Variants in NPNT observed in about 807,000 individuals in gnomAD.
The protein encoded by NPNT is nephronectin.
In NPNT, 45 loss-of-function variants were observed where a neutral mutation model predicts 68.6. The ratio of observed to expected loss-of-function variants is 0.66; its 90% CI spans 0.52 to 0.84. NPNT has a LOEUF of 0.84. NPNT is among the 40% of genes least tolerant of loss of function. The probability of loss-of-function intolerance (pLI) is 0.00; values close to 1 mark genes in which losing one functional copy is unlikely to be tolerated. For missense variants in NPNT, 672 were observed against 714.8 expected (o/e 0.94, Z 0.68); for synonymous variants, 233 against 253.3 (o/e 0.92, Z 0.76).
chr4:105,963,179 C>T (rs1021400036), intron 10 of NPNT, among the ~76,000 whole-genome samples: 4 of 152,052 alleles, frequency 2.6e-5, no homozygotes, highest in Non-Finnish European at 4.4e-5. Flanking sequence ...GAGCCGAGAT[C>T]ACGCCACTGT....
At chr4:105,924,314 A>G (rs958901909) in intron 2 of NPNT, among the ~76,000 whole-genome samples, 4 of 152,202 alleles carry the variant, frequency 2.6e-5, no homozygotes, top group African/African-American at 9.6e-5. Context: ...TTTGATACGT[A>G]TTTATTGAAT....
Position 105,940,215 on chromosome 4 carries a change from G to A in NPNT, c.640+6G>A, listed in dbSNP as rs1729826556. 1.5e-5 allele frequency: 24 copies of A among 1,612,756 alleles called. No homozygotes were observed. Among genetic ancestry groups the A allele is most frequent in the Non-Finnish European group, 1.9e-5 (22 of 1,179,210 alleles). On this transcript the variant is annotated splice_donor_region_variant and intron_variant, in intron 6 of 11. Transcript: ENST00000379987. ...AGGCAAATATCAATGTCATGGTAAT[G>A]AAACCCAACCATTGCTTTGTGTTGT...
chr4:105,930,006 G>A (rs1285606557), intron 3 of NPNT, among the ~76,000 whole-genome samples: 1 of 152,058 alleles, frequency 6.6e-6, no homozygotes, highest in East Asian at 1.9e-4. Context: ...TTGATTAGTA[G>A]CAAAATGGGA....
chr4:105,900,981 G>A (rs1726370328), intron 2 of NPNT, among the ~76,000 whole-genome samples: 1 of 151,992 alleles, frequency 6.6e-6, no homozygotes, highest in South Asian at 2.1e-4. Flanking sequence ...ATTGTCAGGT[G>A]AAAATTTTTT....
rs1160950913 is a variant in NPNT, at chr4:105,928,180, A to T, written c.265+752A>T. On this transcript the variant is annotated intron_variant, in intron 3 of 11. Coordinates refer to ENST00000379987, the MANE Select transcript of NPNT (RefSeq NM_001033047.3). ...AGTTAGTAAAAGAGCTAGCATGTCA[A>T]CTTAGAGCTATGGCATATATAATCC... 2.5e-3 allele frequency among the ~76,000 whole-genome samples: 376 copies of T among 152,314 alleles called. 2 individuals carry two copies. Among genetic ancestry groups the T allele is most frequent in the African/African-American group, 8.7e-3 (360 of 41,566 alleles).
Position 105,938,366 on chromosome 4 carries a change from T to C in NPNT, c.451T>C (p.Cys151Arg). 2.5e-6 allele frequency: 4 copies of C among 1,613,506 alleles called. No homozygotes were observed. In the African/African-American group the frequency reaches 4.0e-5, roughly 16 times the overall value. ...GCDVVKGQIRCQCPSPGLQLA... is the reference protein window; with the variant it reads ...GCDVVKGQIRRQCPSPGLQLA... ...TGATGTTGTTAAAGGACAAATACGG[T>C]GCCAGTGCCCATCCCCTGGCCTGCA... The change falls in exon 5 of 12, where the codon TGC (cysteine) becomes CGC (arginine). Residue 151 changes from cysteine (C) to arginine (R), a missense_variant. Cys to Arg is a radical substitution (Grantham distance 180, BLOSUM62 -3). Coordinates refer to ENST00000379987, the MANE Select transcript of NPNT (RefSeq NM_001033047.3).
rs969133254 is a variant in NPNT, at chr4:105,949,639, C to T, written c.1159+6937C>T. On this transcript the variant is annotated intron_variant, in intron 8 of 11. Transcript: ENST00000379987. The stretch of plus-strand genomic sequence containing the variant: ...GGGCAAAGAAACTCAGAAAAACTTT[C>T]TGCAGAACCCAAAGTAAAGGAAGTT... 5.3e-5 allele frequency among the ~76,000 whole-genome samples: 8 copies of T among 152,152 alleles called. No individual in the cohort carries two copies. In the East Asian group the frequency reaches 5.8e-4, roughly 11 times the overall value.
chr4:105,954,969 GC>G (rs1363161662), intron 8 of NPNT, among the ~76,000 whole-genome samples: 2 of 152,176 alleles, frequency 1.3e-5, no homozygotes, highest in African/African-American at 4.8e-5. Flanking sequence ...CAAGCTCTTA[GC>G]CCATGCTTTG....
rs1359395721 is a variant in NPNT, at chr4:105,951,717, G to T, written c.1160-6754G>T. ...TGCTGTGAATTCTGAAAGTTTTCAA[G>T]ATTTTTGATTTATATTTTAATTAGA... On this transcript the variant is annotated intron_variant, in intron 8 of 11. Transcript: ENST00000379987. Among the ~76,000 whole-genome samples the T allele has an allele frequency of 3.3e-5, 5 of 152,264 alleles. 1 individual carries two copies. Among genetic ancestry groups the T allele is most frequent in the Non-Finnish European group, 7.4e-5 (5 of 68,016 alleles).
chr4:105,963,489 C>G (rs758396783), intron 10 of NPNT, among the ~76,000 whole-genome samples: 4 of 152,062 alleles, frequency 2.6e-5, no homozygotes, highest in Non-Finnish European at 2.9e-5. Context: ...TTTCATGGTG[C>G]TATTAGGTTT....
In NPNT at chr4:105,937,148, T is replaced by G; in HGVS notation, c.385+20T>G. 1 of 1,612,152 alleles carries G rather than the reference T, an allele frequency of 6.2e-7. No homozygotes were observed. The highest frequency in any genetic ancestry group is 8.5e-7 in the Non-Finnish European group (1 of 1,179,070). On this transcript the variant is annotated intron_variant, in intron 4 of 11. Coordinates refer to ENST00000379987, the MANE Select transcript of NPNT (RefSeq NM_001033047.3). ...GCTCAAGTATGTCAAGAATCTTAACTGTTTTATAAGTGCTTTGGGCTTGTT... is the reference window on the plus strand; with the variant it reads ...GCTCAAGTATGTCAAGAATCTTAACGGTTTTATAAGTGCTTTGGGCTTGTT...
At chr4:105,916,413 G>A (rs1025518408) in intron 2 of NPNT, among the ~76,000 whole-genome samples, 16 of 150,782 alleles carry the variant, frequency 1.1e-4, no homozygotes, top group African/African-American at 3.4e-4. Context: ...CAGTAGAGAC[G>A]GGTTTGCCAT....
intron 10 of NPNT, among the ~76,000 whole-genome samples, chr4:105,961,864 G>T (rs1731742823): frequency 6.6e-6 from 1 of 152,186 alleles, no homozygotes. Context: ...AAGATAAACT[G>T]ACCAAACTAC....
intron 3 of NPNT, chr4:105,932,850 TG>T: frequency 1.8e-6 from 1 of 567,552 alleles, no homozygotes; most frequent in Non-Finnish European, 3.1e-6. Flanking sequence ...AATTGCCACC[TG>T]GTGCTGATTC....
At chr4:105,957,738 T>A (rs1228705266) in intron 8 of NPNT, among the ~76,000 whole-genome samples, 8 of 152,210 alleles carry the variant, frequency 5.3e-5, no homozygotes, top group Admixed American at 2.0e-4. Flanking sequence ...AGAATTTGAT[T>A]CTGCCTGGGG....
At chr4:105,926,117 T>C (rs1387582734) in intron 2 of NPNT, among the ~76,000 whole-genome samples, 1 of 152,150 alleles carries the variant, frequency 6.6e-6, no homozygotes. Context: ...TCTGCTCCCT[T>C]CTCTGTCTAC....
At chr4:105,898,338 C>CTCTCTG (rs1560881814) in intron 2 of NPNT, among the ~76,000 whole-genome samples, 14 of 128,392 alleles carry the variant, frequency 1.1e-4, no homozygotes, top group African/African-American at 4.3e-4. Flanking sequence ...GTCTCTCTCT[C>CTCTCTG]TCTCTCTCTC....
chr4:105,954,861 C>T (rs1404638827), intron 8 of NPNT, among the ~76,000 whole-genome samples: 2 of 152,218 alleles, frequency 1.3e-5, no homozygotes, highest in Non-Finnish European at 2.9e-5. Context: ...TCCTCTGCTT[C>T]TTTAAAGCAC....
At chr4:105,914,801 G>A (rs1367382726) in intron 2 of NPNT, among the ~76,000 whole-genome samples, 3 of 152,068 alleles carry the variant, frequency 2.0e-5, no homozygotes, top group Non-Finnish European at 4.4e-5. Context: ...AGTAGCCAGA[G>A]GGAGGAGCAC....
Sources: allele counts gnomAD v4.1 joint callset (sites outside exome capture counted in the v4.1 genomes callset), GRCh38; gene constraint gnomAD v4.1.1; transcripts MANE v1.5; gene names NCBI Gene and HGNC (gene_info 2026-07-23, HGNC 2026-07-21).